The following INTS15 variants were observed in gnomAD, a reference collection of about 807,000 sequenced individuals.
The protein encoded by INTS15 is uncharacterized protein C7orf26.
the INTS15 span, among the ~76,000 whole-genome samples, chr7:6,600,767 C>G: frequency 6.6e-6 from 1 of 152,084 alleles, no homozygotes; most frequent in Non-Finnish European, 1.5e-5. Flanking sequence ...AAGCAATCAT[C>G]GTGCATCAGC....
chr7:6,595,826 G>A, the INTS15 span, among the ~76,000 whole-genome samples: 1 of 152,120 alleles, frequency 6.6e-6, no homozygotes, highest in African/African-American at 2.4e-5. Flanking sequence ...GGGACTGTAG[G>A]CACACACTAC....
chr7:6,593,941 G>A, the INTS15 span, among the ~76,000 whole-genome samples: 10 of 144,108 alleles, frequency 6.9e-5, no homozygotes, highest in East Asian at 2.1e-4. Flanking sequence ...ATGAGCCGCC[G>A]TGCCCAGCCT....
the INTS15 span, among the ~76,000 whole-genome samples, chr7:6,601,388 C>G: frequency 4.6e-5 from 7 of 151,766 alleles, no homozygotes; most frequent in African/African-American, 1.7e-4. Context: ...CTCTGCCTCC[C>G]GGGTTCTAGT....
chr7:6,602,089 C>T, the INTS15 span: 1 of 1,612,092 alleles, frequency 6.2e-7, no homozygotes, highest in Non-Finnish European at 8.5e-7. Context: ...TCTTGTATCT[C>T]CTTAATTGCA....
the INTS15 span, among the ~76,000 whole-genome samples, chr7:6,595,364 G>A: frequency 6.6e-6 from 1 of 152,098 alleles, no homozygotes; most frequent in Non-Finnish European, 1.5e-5. Context: ...GAGTTTCACT[G>A]TGTTGCCCAG....
the INTS15 span, chr7:6,590,509 G>A: frequency 3.8e-5 from 58 of 1,515,712 alleles, no homozygotes; most frequent in Middle Eastern, 2.0e-4. Flanking sequence ...CCCGGGCCCC[G>A]CAGGCGGGCG....
the INTS15 span, among the ~76,000 whole-genome samples, chr7:6,601,857 A>G: frequency 2.7e-5 from 4 of 150,742 alleles, no homozygotes; most frequent in African/African-American, 7.3e-5. Flanking sequence ...GGGTTTCACC[A>G]TGTTGGTCAG....
chr7:6,607,362 C>T, the INTS15 span, among the ~76,000 whole-genome samples: 1 of 149,104 alleles, frequency 6.7e-6, no homozygotes, highest in South Asian at 2.1e-4. The surrounding 1 kb of genome is among the most constrained non-coding windows in gnomAD (Gnocchi z 6.0). Context: ...TGCAGCTGTT[C>T]TCGGAGCCCC....
chr7:6,608,652 A>G, the INTS15 span: 2 of 405,252 alleles, frequency 4.9e-6, no homozygotes, highest in African/African-American at 4.3e-5. Flanking sequence ...CTCACCTCGG[A>G]AAGGAACTTC....
At chr7:6,607,921 G>A in the INTS15 span, 1 of 1,595,182 alleles carries the variant, frequency 6.3e-7, no homozygotes, top group Non-Finnish European at 8.5e-7. The surrounding 1 kb of genome is among the most constrained non-coding windows in gnomAD (Gnocchi z 6.0). Flanking sequence ...CGGAGTCCCC[G>A]GAGCCCGCCC....
chr7:6,593,263 C>T, the INTS15 span, among the ~76,000 whole-genome samples: 2 of 151,534 alleles, frequency 1.3e-5, no homozygotes, highest in African/African-American at 4.9e-5. Context: ...CGAATAAGCG[C>T]GATCACGTCT....
chr7:6,595,932 T>C, the INTS15 span, among the ~76,000 whole-genome samples: 2 of 152,144 alleles, frequency 1.3e-5, no homozygotes, highest in African/African-American at 4.8e-5. Context: ...ACAAATAGTC[T>C]CTTTCTCTTC....
the INTS15 span, among the ~76,000 whole-genome samples, chr7:6,598,313 T>A: frequency 6.6e-6 from 1 of 151,744 alleles, no homozygotes. Context: ...CTACTAAAAA[T>A]ACAAAAATTA....
At chr7:6,607,092 G>A in the INTS15 span, among the ~76,000 whole-genome samples, 1 of 152,084 alleles carries the variant, frequency 6.6e-6, no homozygotes, top group East Asian at 1.9e-4. This position sits in a 1 kb window ranked among gnomAD's most constrained non-coding sequence, Gnocchi z 6.0. Flanking sequence ...GGGGAGCTGG[G>A]GGTGATGAGC....
At chr7:6,599,547 A>C in the INTS15 span, among the ~76,000 whole-genome samples, 3 of 152,216 alleles carry the variant, frequency 2.0e-5, no homozygotes, top group African/African-American at 7.2e-5. Context: ...TCTCCAAAGC[A>C]TGTTGGAGTT....
chr7:6,606,064 A>G, the INTS15 span, among the ~76,000 whole-genome samples: 1 of 152,174 alleles, frequency 6.6e-6, no homozygotes. Flanking sequence ...AACTTCTTGA[A>G]GTGCTTTCTA....
chr7:6,598,783 G>GTGTGTT, the INTS15 span, among the ~76,000 whole-genome samples: 1 of 92,866 alleles, frequency 1.1e-5, no homozygotes, highest in African/African-American at 7.2e-5. Flanking sequence ...GTGTGTGTGT[G>GTGTGTT]TGTATTTTTT....
At chr7:6,594,530 A>G in the INTS15 span, 2 of 1,614,134 alleles carry the variant, frequency 1.2e-6, no homozygotes, top group Non-Finnish European at 1.7e-6. Flanking sequence ...TGAAGCAGAT[A>G]TTCAGTGCCA....
the INTS15 span, among the ~76,000 whole-genome samples, chr7:6,595,188 C>T: frequency 1.3e-5 from 2 of 152,208 alleles, no homozygotes; most frequent in South Asian, 2.1e-4. Flanking sequence ...CATGCCACCA[C>T]GCCTGGCTAA....
Sources: allele counts gnomAD v4.1 joint callset (sites outside exome capture counted in the v4.1 genomes callset), GRCh38; gene constraint gnomAD v4.1.1; non-coding constraint Gnocchi (gnomAD v3.1); transcripts MANE v1.5; gene names NCBI Gene and HGNC (gene_info 2026-07-23, HGNC 2026-07-21).